CTNND2: variants seen among roughly 807,000 people sequenced by gnomAD.
The protein encoded by CTNND2 is catenin delta-2.
A neutral mutation model predicts 144.4 loss-of-function variants in CTNND2; 22 were observed. The ratio of observed to expected loss-of-function variants is 0.15; its 90% CI spans 0.11 to 0.22. The LOEUF (loss-of-function observed/expected upper bound fraction) is 0.22. Among genes scored for constraint, CTNND2 ranks in the 10% least tolerant of loss-of-function variants. CTNND2 has a pLI of 1.00. For missense variants in CTNND2, 1,353 were observed against 1,618.8 expected, an observed-to-expected ratio of 0.84 and a Z score of 2.82; for synonymous variants, 751 against 695.6, an observed-to-expected ratio of 1.08 and a Z score of -1.25.
intron 12 of CTNND2, among the ~76,000 whole-genome samples, chr5:11,123,691 C>T (rs1754368147): frequency 6.6e-6 from 1 of 152,266 alleles, no homozygotes; most frequent in Admixed American, 6.5e-5. Flanking sequence ...AGGCCCTTCC[C>T]CTATACTTCG....
intron 7 of CTNND2, among the ~76,000 whole-genome samples, chr5:11,382,599 G>GTATATA (rs749836379): frequency 2.5e-5 from 2 of 81,480 alleles, no homozygotes; most frequent in East Asian, 5.5e-4. Context: ...GAGACTCTGT[G>GTATATA]TGTGTGTGTG....
chr5:11,860,539 G>A (rs1016756596), intron 1 of CTNND2, among the ~76,000 whole-genome samples: 5 of 152,116 alleles, frequency 3.3e-5, no homozygotes, highest in Admixed American at 1.3e-4. Context: ...CATAAGAATT[G>A]TTTCAGCTAC....
chr5:11,091,743 A>G (rs565935272), intron 15 of CTNND2, among the ~76,000 whole-genome samples: 1 of 152,294 alleles, frequency 6.6e-6, no homozygotes, highest in Admixed American at 6.5e-5. Context: ...CCAGTGGCCC[A>G]TGGATTATGA....
intron 2 of CTNND2, among the ~76,000 whole-genome samples, chr5:11,621,644 A>G (rs1780847650): frequency 6.6e-6 from 1 of 152,230 alleles, no homozygotes; most frequent in Admixed American, 6.5e-5. Context: ...ATGTTTATAG[A>G]TAATATATCA....
intron 10 of CTNND2, among the ~76,000 whole-genome samples, chr5:11,231,258 A>G (rs1740980085): frequency 6.6e-6 from 1 of 152,154 alleles, no homozygotes; most frequent in African/African-American, 2.4e-5. Flanking sequence ...GTAGATTGGT[A>G]CCAGGAGTGG....
At chr5:11,803,732 T>C (rs1791828170) in intron 1 of CTNND2, among the ~76,000 whole-genome samples, 1 of 152,260 alleles carries the variant, frequency 6.6e-6, no homozygotes, top group Admixed American at 6.5e-5. Context: ...TTTTTCTCAC[T>C]GTTTCAAAGG....
intron 1 of CTNND2, among the ~76,000 whole-genome samples, chr5:11,783,072 AT>A (rs2126852326): frequency 6.6e-6 from 1 of 151,968 alleles, no homozygotes; most frequent in African/African-American, 2.4e-5. Flanking sequence ...GGTCAACTTA[AT>A]AAATTATGAA....
At chr5:11,324,949 C>T (rs202213707) in intron 9 of CTNND2, among the ~76,000 whole-genome samples, 1 of 78,276 alleles carries the variant, frequency 1.3e-5, no homozygotes, top group Admixed American at 1.4e-4. Context: ...AATGCATTAT[C>T]CTTTTTTTTT....
At chr5:11,002,452 TGGA>T (rs1740055674) in intron 18 of CTNND2, among the ~76,000 whole-genome samples, 1 of 152,174 alleles carries the variant, frequency 6.6e-6, no homozygotes, top group East Asian at 1.9e-4. Flanking sequence ...TACTCCTTGA[TGGA>T]GGAGGAGGAA....
At position 11,556,586 on chromosome 5, in the gene CTNND2, CT is replaced by C. The variant is rs373519018; in HGVS notation, c.287+8357del. Among the ~76,000 whole-genome samples, 98 of 152,172 alleles carry C rather than the reference CT, an allele frequency of 6.4e-4. 1 individual carries two copies. Among genetic ancestry groups the C allele is most frequent in the Middle Eastern group, 3.4e-3 (1 of 294 alleles). On this transcript the variant is annotated intron_variant, in intron 3 of 21. Transcript: ENST00000304623. ...AGCATCTTCTCTAAAATAAGTCTGA[CT>C]TTTTTTGCATATGTGGAAAAGATTT...
chr5:11,412,161 T>G lies in CTNND2; in HGVS notation c.288-92A>C. 6 of 905,618 alleles carry G rather than the reference T, an allele frequency of 6.6e-6. 1 individual carries two copies. The South Asian group carries it at 8.3e-5, about 13-fold the overall frequency. 56.1% of individuals were successfully genotyped at this position (905,618 alleles called of 1,614,324 possible). The stretch of plus-strand genomic sequence containing the variant: ...AAGACACAAAGGCATATTAGGGTAG[T>G]AACAGTGGCCCCGTTGCATTTCCTT... On this transcript the variant is annotated intron_variant, in intron 3 of 21. Coordinates refer to ENST00000304623, the MANE Select transcript of CTNND2 (RefSeq NM_001332.4).
At chr5:11,124,317 T>G (rs1453354209) in intron 12 of CTNND2, among the ~76,000 whole-genome samples, 1 of 152,184 alleles carries the variant, frequency 6.6e-6, no homozygotes, top group Admixed American at 6.5e-5. Context: ...CTCTTTGGAG[T>G]TTGATGCCTA....
chr5:11,847,125 A>T (rs1048094019), intron 1 of CTNND2, among the ~76,000 whole-genome samples: 8 of 103,642 alleles, frequency 7.7e-5, no homozygotes, highest in African/African-American at 3.4e-4. Context: ...TATGTCAAAG[A>T]TTTTATATAT....
At chr5:11,612,845 A>G (rs1780398600) in intron 2 of CTNND2, among the ~76,000 whole-genome samples, 1 of 152,194 alleles carries the variant, frequency 6.6e-6, no homozygotes, top group South Asian at 2.1e-4. Flanking sequence ...GGCTGCAATG[A>G]GCTATGATAG....
chr5:11,682,745 T>C (rs1233775378), intron 2 of CTNND2, among the ~76,000 whole-genome samples: 1 of 152,192 alleles, frequency 6.6e-6, no homozygotes, highest in Non-Finnish European at 1.5e-5. Context: ...GGGCAAGTAA[T>C]ACAAGGGTCC....
At chr5:11,008,470 A>C (rs1276370349) in intron 18 of CTNND2, among the ~76,000 whole-genome samples, 1 of 152,228 alleles carries the variant, frequency 6.6e-6, no homozygotes, top group East Asian at 1.9e-4. Flanking sequence ...CAAGGAATGC[A>C]GGCAGCCTTT....
At chr5:11,748,350 T>C (rs1788428410) in intron 1 of CTNND2, among the ~76,000 whole-genome samples, 1 of 152,102 alleles carries the variant, frequency 6.6e-6, no homozygotes, top group East Asian at 1.9e-4. Flanking sequence ...ATCTAAATTA[T>C]ATATATTTAA....
intron 18 of CTNND2, among the ~76,000 whole-genome samples, chr5:11,008,667 C>T (rs932792590): frequency 1.3e-5 from 2 of 152,164 alleles, no homozygotes; most frequent in African/African-American, 4.8e-5. Context: ...TTAGACCTTC[C>T]ACTCGGAGTT....
intron 2 of CTNND2, among the ~76,000 whole-genome samples, chr5:11,593,510 C>A (rs779110738): frequency 4.6e-5 from 7 of 152,128 alleles, no homozygotes; most frequent in African/African-American, 1.7e-4. Context: ...TTGTAGCTCC[C>A]GTAATTCCCA....
Sources: gnomAD v4.1 joint callset for allele counts (sites outside exome capture counted in the v4.1 genomes callset) on GRCh38, gnomAD v4.1.1 for gene constraint, MANE v1.5 for transcripts, NCBI Gene and HGNC (gene_info 2026-07-23, HGNC 2026-07-21) for gene names.